The following ADCY9 variants were observed in gnomAD, a reference collection of about 807,000 sequenced individuals.
ADCY9 encodes the protein adenylate cyclase type 9.
In ADCY9, 50 loss-of-function variants were observed where a neutral mutation model predicts 101.5. The ratio of observed to expected loss-of-function variants is 0.49; its 90% CI spans 0.39 to 0.62. The LOEUF (loss-of-function observed/expected upper bound fraction) is 0.62, where lower values mean the gene tolerates loss of function less well. Among genes scored for constraint, ADCY9 ranks in the 20% least tolerant of loss-of-function variants. The pLI, the probability that ADCY9 is intolerant of heterozygous loss-of-function variation, is 0.00. For missense variants in ADCY9, 1,662 were observed against 1,800.4 expected (o/e 0.92, Z 1.39); for synonymous variants, 905 against 769.3 (o/e 1.18, Z -2.92).
chr16:3,999,364 G>A (rs12935810), intron 3 of ADCY9, among the ~76,000 whole-genome samples: 57,745 of 152,066 alleles, frequency 0.38, 11,411 homozygotes, highest in East Asian at 0.51. Flanking sequence ...GTATGATCTC[G>A]TCCTTTGCAG....
At chr16:4,057,928 G>A (rs1266422308) in intron 2 of ADCY9, among the ~76,000 whole-genome samples, 1 of 152,148 alleles carries the variant, frequency 6.6e-6, no homozygotes. Context: ...GGAGGCCAAG[G>A]TGGGCAGATC....
rs1232190425 is a variant in ADCY9 at position 3,983,390 on chromosome 16, G to T, written c.2361C>A (p.Ser787=). The change falls in exon 7 of 11, where the codon TCC becomes TCA. Residue 787 remains serine, a synonymous_variant. Coordinates refer to ENST00000294016, the MANE Select transcript of ADCY9 (RefSeq NM_001116.4). ...TGGTCGACAGAAACACATCCAGGAG[G>T]GAGCTGAAGGTGGGACTAGCAAACG... ...VKTFASPTFS[S]LLDVFLSTTV... 2 of 1,608,492 alleles carry T rather than the reference G, an allele frequency of 1.2e-6. No individual in the cohort carries two copies. The highest frequency in any genetic ancestry group is 1.3e-5 in the African/African-American group (1 of 74,922).
chr16:4,082,360 G>T (rs549932945), intron 2 of ADCY9, among the ~76,000 whole-genome samples: 1 of 152,208 alleles, frequency 6.6e-6, no homozygotes, highest in East Asian at 1.9e-4. Context: ...CAGGGCAACA[G>T]AACAGGACCC....
At chr16:4,086,485 G>T (rs994564009) in intron 2 of ADCY9, among the ~76,000 whole-genome samples, 2 of 152,072 alleles carry the variant, frequency 1.3e-5, no homozygotes, top group African/African-American at 2.4e-5. Context: ...GAGGGATCAT[G>T]GACGTGAGGA....
chr16:4,068,760 TGAGCCAAGATC>T (rs1450868573), intron 2 of ADCY9, among the ~76,000 whole-genome samples: 1 of 148,968 alleles, frequency 6.7e-6, no homozygotes, highest in African/African-American at 2.5e-5. Context: ...GAGCTTGCAG[TGAGCCAAGATC>T]GAGCCACTGC....
At chr16:4,066,378 T>C (rs1597204817) in intron 2 of ADCY9, among the ~76,000 whole-genome samples, 1 of 152,136 alleles carries the variant, frequency 6.6e-6, no homozygotes, top group East Asian at 1.9e-4. Flanking sequence ...GACTGAGCAG[T>C]GATTTTACCT....
rs78776378 is a variant in ADCY9, at chr16:3,992,948, G to T, written c.1989+458C>A. On this transcript the variant is annotated intron_variant, in intron 4 of 10. Coordinates refer to ENST00000294016, the MANE Select transcript of ADCY9 (RefSeq NM_001116.4). The surrounding 1 kb of genome is among the most constrained non-coding windows in gnomAD (Gnocchi z 4.2). ...TGAGCCCCCGCCGACAGGCTCTCGC[G>T]GGTGGGCTGAGTCCTGGCCCTGGTG... Among the ~76,000 whole-genome samples, 5,529 of 152,184 alleles carry T rather than the reference G, an allele frequency of 0.036. 174 individuals are homozygous for T. Among genetic ancestry groups the T allele is most frequent in the Admixed American group, 0.07 (1,075 of 15,290 alleles).
chr16:3,990,320 G>T (rs1307611220), intron 5 of ADCY9, among the ~76,000 whole-genome samples: 1 of 152,076 alleles, frequency 6.6e-6, no homozygotes, highest in Non-Finnish European at 1.5e-5. Context: ...ACAAAAATTA[G>T]CCAGGCCTGG....
At chr16:4,034,408 T>G (rs2056576233) in intron 2 of ADCY9, among the ~76,000 whole-genome samples, 1 of 152,062 alleles carries the variant, frequency 6.6e-6, no homozygotes, top group Non-Finnish European at 1.5e-5. Context: ...GGAGCCAAAG[T>G]CCTTTTATGA....
chr16:4,001,265 C>A (rs1392828080), intron 3 of ADCY9, among the ~76,000 whole-genome samples: 1 of 152,186 alleles, frequency 6.6e-6, no homozygotes, highest in East Asian at 1.9e-4. Context: ...TCACCCCCAG[C>A]CTATGGGGGT....
intron 2 of ADCY9, among the ~76,000 whole-genome samples, chr16:4,076,425 G>T (rs1035534557): frequency 6.6e-6 from 1 of 152,096 alleles, no homozygotes; most frequent in African/African-American, 2.4e-5. Flanking sequence ...AAAGAAAAAG[G>T]CTCCAGTTTT....
chr16:4,100,662 G>T (rs1426608973), intron 2 of ADCY9, among the ~76,000 whole-genome samples: 1 of 150,502 alleles, frequency 6.6e-6, no homozygotes, highest in Non-Finnish European at 1.5e-5. Flanking sequence ...TGTTAGAATG[G>T]TCTGATACAG....
intron 5 of ADCY9, among the ~76,000 whole-genome samples, chr16:3,989,753 T>C (rs1450463046): frequency 6.6e-6 from 1 of 152,220 alleles, no homozygotes; most frequent in Non-Finnish European, 1.5e-5. Flanking sequence ...AACAATCTTT[T>C]GTGAAGAACA....
intron 2 of ADCY9, among the ~76,000 whole-genome samples, chr16:4,040,046 A>G (rs951669402): frequency 1.3e-5 from 2 of 151,956 alleles, no homozygotes; most frequent in African/African-American, 4.8e-5. Context: ...CTCAAATCCA[A>G]AAGAAAAGAA....
chr16:3,958,566 A>T (rs2055920482), downstream of ADCY9, among the ~76,000 whole-genome samples: 1 of 151,356 alleles, frequency 6.6e-6, no homozygotes, highest in Non-Finnish European at 1.5e-5. Context: ...AAAAAAAGAA[A>T]AACAAAAAAA....
chr16:3,960,713 A>G, downstream of ADCY9, among the ~76,000 whole-genome samples: 1 of 152,214 alleles, frequency 6.6e-6, no homozygotes, highest in East Asian at 1.9e-4. Context: ...CACGCGGATT[A>G]CTTAACTCAC....
chr16:4,044,810 C>T (rs2056651212), intron 2 of ADCY9, among the ~76,000 whole-genome samples: 1 of 152,162 alleles, frequency 6.6e-6, no homozygotes, highest in Non-Finnish European at 1.5e-5. Flanking sequence ...TCTGAGGCCA[C>T]ATCAGCACTC....
At chr16:4,041,811 G>A (rs937232108) in intron 2 of ADCY9, among the ~76,000 whole-genome samples, 1 of 150,332 alleles carries the variant, frequency 6.7e-6, no homozygotes, top group Non-Finnish European at 1.5e-5. Flanking sequence ...GAGTACGGTG[G>A]AGTAATCACA....
At chr16:4,024,636 G>A (rs1158108964) in intron 2 of ADCY9, among the ~76,000 whole-genome samples, 2 of 152,020 alleles carry the variant, frequency 1.3e-5, no homozygotes, top group African/African-American at 4.8e-5. Context: ...TAGAAGCGGG[G>A]GCTCACTCCT....
Sources: gnomAD v4.1 joint callset for allele counts (sites outside exome capture counted in the v4.1 genomes callset) on GRCh38, gnomAD v4.1.1 for gene constraint, Gnocchi (gnomAD v3.1) non-coding constraint, MANE v1.5 for transcripts, NCBI Gene and HGNC (gene_info 2026-07-23, HGNC 2026-07-21) for gene names.